Variants in SLC18A1 observed in about 807,000 individuals in gnomAD.
The protein encoded by SLC18A1 is chromaffin granule amine transporter.
Under a neutral mutation model 53.7 loss-of-function variants are expected in SLC18A1, and 69 were observed. The observed-to-expected ratio is 1.28, with a 90% confidence interval of 1.06 to 1.57. SLC18A1 has a LOEUF of 1.57. SLC18A1 is among the 40% of genes most tolerant of loss of function. The probability of loss-of-function intolerance (pLI) is 0.00; values close to 1 mark genes in which losing one functional copy is unlikely to be tolerated. For missense variants in SLC18A1, 932 were observed against 668.1 expected (o/e 1.40, Z -4.35); for synonymous variants, 320 against 248.1 (o/e 1.29, Z -2.72).
At chr8:20,156,683 C>T (rs1223060160) in intron 10 of SLC18A1, among the ~76,000 whole-genome samples, 3 of 152,190 alleles carry the variant, frequency 2.0e-5, no homozygotes. Flanking sequence ...ACAGGATAAA[C>T]AGGATCCATC....
At chr8:20,167,133 C>CAAA (rs374798341) in intron 8 of SLC18A1, among the ~76,000 whole-genome samples, 3 of 131,376 alleles carry the variant, frequency 2.3e-5, no homozygotes, top group African/African-American at 8.4e-5. Flanking sequence ...AACTAAATGC[C>CAAA]AAAAAAAAAA....
chr8:20,164,891 C>T lies in SLC18A1; in HGVS notation c.993G>A (p.Met331Ile). The T allele has an allele frequency of 6.2e-7, 1 of 1,611,542 alleles. No individual in the cohort carries two copies. Among genetic ancestry groups the T allele is most frequent in the African/African-American group, 1.3e-5 (1 of 75,028 alleles). ...PTLPIWMMQT[M>I]CSPKWQLGLA... is the part of the protein sequence containing the mutation. ...TACCCAGCTGCCACTTGGGGGAGCA[C>T]ATGGTCTGCATCATCCAGATGGGCA... Residue 331 changes from methionine to isoleucine, a missense_variant, in exon 10 of 16, where the codon ATG becomes ATA. Met to Ile is a conservative substitution (Grantham distance 10, BLOSUM62 1). Transcript: ENST00000276373.
intron 15 of SLC18A1, among the ~76,000 whole-genome samples, chr8:20,146,822 C>CAAA (rs10604873): frequency 7.3e-6 from 1 of 137,708 alleles, no homozygotes; most frequent in Admixed American, 7.4e-5. Context: ...GAAACTCCAT[C>CAAA]AAAAAAAAAA....
rs189035044 is a variant in SLC18A1 at position 20,165,552 on chromosome 8, C to T, written c.859-445G>A. Among the ~76,000 whole-genome samples, 79 of 152,290 alleles carry T rather than the reference C, an allele frequency of 5.2e-4. 1 individual carries two copies. Among genetic ancestry groups the T allele is most frequent in the Non-Finnish European group, 1.0e-3 (68 of 68,020 alleles). On this transcript the variant is annotated intron_variant, in intron 8 of 15. Coordinates refer to ENST00000276373, the MANE Select transcript of SLC18A1 (RefSeq NM_003053.4). The stretch of plus-strand genomic sequence containing the variant: ...ACAGAAGCCATAACTCAGAAAGCCT[C>T]TCAAGCTTTCTGAATTCTTCATTCT...
chr8:20,179,091 C>T (rs1435668486), intron 3 of SLC18A1, 30 bp downstream of exon 3: 1 of 1,589,100 alleles, frequency 6.3e-7, no homozygotes, highest in Non-Finnish European at 8.6e-7. Flanking sequence ...CTCCTGTGTA[C>T]CCTGCGGGGC....
chr8:20,168,414 G>A (rs1447904242), intron 8 of SLC18A1, among the ~76,000 whole-genome samples: 4 of 151,906 alleles, frequency 2.6e-5, no homozygotes, highest in Non-Finnish European at 5.9e-5. Flanking sequence ...ACAAAAATAG[G>A]ACTCCATGAT....
chr8:20,151,440 T>C (rs1272446839), intron 10 of SLC18A1, among the ~76,000 whole-genome samples: 1 of 152,166 alleles, frequency 6.6e-6, no homozygotes, highest in African/African-American at 2.4e-5. Context: ...TACCCATACA[T>C]AATTCCTGGG....
At position 20,174,416 on chromosome 8, in the gene SLC18A1, T is replaced by C. The variant is rs779767479; in HGVS notation, c.576A>G (p.Leu192=). The change falls in exon 5 of 16, where the codon CTA becomes CTG. Residue 192 remains leucine (L), a synonymous_variant. Coordinates refer to ENST00000276373, the MANE Select transcript of SLC18A1 (RefSeq NM_003053.4). The part of the protein sequence containing the change: ...VMFAFSGTYT[L]LFVARTLQGI... ...CTTGAAGGGTTCGGGCCACAAAGAG[T>C]AGAGTATAGGTCCCAGAAAAAGCAA... 1.4e-5 allele frequency: 23 copies of C among 1,613,186 alleles called. No homozygotes were observed. Among genetic ancestry groups the C allele is most frequent in the Non-Finnish European group, 1.8e-5 (21 of 1,179,760 alleles).
Position 20,173,895 on chromosome 8 carries a change from C to CTTT in SLC18A1, c.631+463_631+465dup, listed in dbSNP as rs72376505. On this transcript the variant is annotated intron_variant, in intron 5 of 15. Transcript: ENST00000276373. ...CTGTTAGAAACTCTGTAATTCCTTTCTTTTTTTTTTTTTTTTTTTGAGTTA... is the reference window on the plus strand; with the variant it reads ...CTGTTAGAAACTCTGTAATTCCTTTCTTTTTTTTTTTTTTTTTTTTTTGAGTTA... 5.0e-3 allele frequency among the ~76,000 whole-genome samples: 682 copies of CTTT among 135,644 alleles called. 8 individuals are homozygous for CTTT. The highest frequency in any genetic ancestry group is 0.019 in the African/African-American group (652 of 34,882). The allele number at this position is 135,644 out of a possible 152,430, so 89.0% of individuals were successfully genotyped here.
chr8:20,177,892 A>G (rs985723673), intron 4 of SLC18A1, among the ~76,000 whole-genome samples: 13 of 152,160 alleles, frequency 8.5e-5, no homozygotes, highest in Non-Finnish European at 1.8e-4. Context: ...TCCTGGATAG[A>G]GTATTTGTCT....
Position 20,165,044 on chromosome 8 carries a change from T to A in SLC18A1, c.919+3A>T. On this transcript the variant is annotated splice_donor_region_variant and intron_variant, in intron 9 of 15. Transcript: ENST00000276373. Reference sequence around the variant, plus strand: ...GCCCAATGGGAGGTCATCGCCAGCTTACCTGCAGCCACCAGGATGTAAGGG... The same window carrying A: ...GCCCAATGGGAGGTCATCGCCAGCTAACCTGCAGCCACCAGGATGTAAGGG... 1 of 1,614,124 alleles carries A rather than the reference T, an allele frequency of 6.2e-7. No homozygotes were observed. Among genetic ancestry groups the A allele is most frequent in the Non-Finnish European group, 8.5e-7 (1 of 1,179,980 alleles).
intron 10 of SLC18A1, among the ~76,000 whole-genome samples, chr8:20,163,757 C>T (rs1278867453): frequency 6.6e-6 from 1 of 152,112 alleles, no homozygotes; most frequent in Non-Finnish European, 1.5e-5. Flanking sequence ...TGTTGGACAA[C>T]CTTTGATGTC....
chr8:20,150,044 A>T (rs1362296071), intron 11 of SLC18A1, among the ~76,000 whole-genome samples: 1 of 152,118 alleles, frequency 6.6e-6, no homozygotes, highest in African/African-American at 2.4e-5. Context: ...AACTTAACTC[A>T]TGCTGTTGCC....
At chr8:20,148,189 T>A in intron 12 of SLC18A1, 119 bp from the exon 13 acceptor site, 1 of 852,686 alleles carries the variant, frequency 1.2e-6, no homozygotes, top group South Asian at 1.5e-5. Context: ...ACATACATCA[T>A]CCTCCTGCAC....
At chr8:20,180,001 C>T (rs181168146) in intron 2 of SLC18A1, among the ~76,000 whole-genome samples, 1 of 152,130 alleles carries the variant, frequency 6.6e-6, no homozygotes, top group Non-Finnish European at 1.5e-5. Flanking sequence ...ACTCTGGCAC[C>T]TGCTAGTGGA....
intron 10 of SLC18A1, among the ~76,000 whole-genome samples, chr8:20,155,844 C>T (rs1053030248): frequency 6.6e-6 from 1 of 152,266 alleles, no homozygotes; most frequent in East Asian, 1.9e-4. Flanking sequence ...CCCCTGGTGT[C>T]CCTCCCAATT....
chr8:20,148,054 T>C lies in SLC18A1; in HGVS notation c.1163A>G (p.Asn388Ser), dbSNP rs767482342. ...TSLLCVPLAHNIFGLIGPNAG... is the reference protein window; with the variant it reads ...TSLLCVPLAHSIFGLIGPNAG... ...ATTGGGGCCAATGAGACCAAAAATA[T>C]TGTGAGCCAGAGGAACCTGCATGGG... Residue 388 changes from asparagine to serine, a missense_variant, in exon 13 of 16, where the codon AAT becomes AGT. Asn to Ser is a conservative substitution (Grantham distance 46, BLOSUM62 1). Coordinates refer to ENST00000276373, the MANE Select transcript of SLC18A1 (RefSeq NM_003053.4). The C allele has an allele frequency of 7.4e-6, 12 of 1,614,066 alleles. No homozygotes were observed. Among genetic ancestry groups the C allele is most frequent in the East Asian group, 2.2e-5 (1 of 44,874 alleles).
intron 10 of SLC18A1, 91 bp downstream of exon 10, chr8:20,164,778 G>C (rs1585207517): frequency 7.4e-6 from 7 of 944,200 alleles, no homozygotes; most frequent in Non-Finnish European, 1.1e-5. Flanking sequence ...TACAAAGGAA[G>C]CATGTTGTCC....
chr8:20,145,861 C>T lies in SLC18A1; in HGVS notation c.1480G>A (p.Asp494Asn). The change falls in exon 16 of 16, where the codon GAC (aspartate) becomes AAC (asparagine). Residue 494 changes from aspartate to asparagine, a missense_variant. By Grantham distance (23) the Asp-to-Asn change is conservative. Coordinates refer to ENST00000276373, the MANE Select transcript of SLC18A1 (RefSeq NM_003053.4). The part of the protein sequence containing the change: ...KEEKLAILSQ[D>N]CPMETRMYAT... ...TACATCCGGGTCTCCATGGGGCAGT[C>T]CTGACTCAGAATAGCCTGCAGAGAG... is the stretch of plus-strand genomic sequence containing the variant. 1 of 1,607,476 alleles carries T rather than the reference C, an allele frequency of 6.2e-7. No homozygotes were observed. Among genetic ancestry groups the T allele is most frequent in the Non-Finnish European group, 8.5e-7 (1 of 1,176,668 alleles).
Sources: gnomAD v4.1 joint callset for allele counts (sites outside exome capture counted in the v4.1 genomes callset) on GRCh38, gnomAD v4.1.1 for gene constraint, MANE v1.5 for transcripts, NCBI Gene and HGNC (gene_info 2026-07-23, HGNC 2026-07-21) for gene names.